The following MGAT4C variants were observed in gnomAD, a reference collection of about 807,000 sequenced individuals.
MGAT4C encodes MGAT4 family member C.
MGAT4C carries 19 observed loss-of-function variants against 40.1 expected under a neutral mutation model. The ratio of observed to expected loss-of-function variants is 0.47; its 90% CI spans 0.33 to 0.70. MGAT4C has a LOEUF of 0.70. MGAT4C is among the 30% of genes least tolerant of loss of function. The pLI, the probability that MGAT4C is intolerant of heterozygous loss-of-function variation, is 0.02. For synonymous variants in MGAT4C, 181 were observed against 187.1 expected (o/e 0.97, Z 0.27); for missense variants, 491 against 563.2 (o/e 0.87, Z 1.30).
intron 3 of MGAT4C, among the ~76,000 whole-genome samples, chr12:86,392,529 A>G (rs1047937754): frequency 6.6e-6 from 1 of 152,194 alleles, no homozygotes; most frequent in South Asian, 2.1e-4. Flanking sequence ...GTCAATGAGT[A>G]ATAAGTGCTC....
At chr12:86,062,179 A>G (rs1168586371) in intron 1 of MGAT4C, among the ~76,000 whole-genome samples, 1 of 152,188 alleles carries the variant, frequency 6.6e-6, no homozygotes, top group Non-Finnish European at 1.5e-5. Context: ...AGAGAAAGTA[A>G]CAGGCAGCAA....
rs1486898968 is a variant in MGAT4C, at chr12:86,611,348, G to T, written c.-229+115861C>A. ...GACACACACACACACACGTATGATA[G>T]ATAGACAGGCAGACAGACAAACAGA... is the stretch of plus-strand genomic sequence containing the variant. On this transcript the variant is annotated intron_variant, in intron 2 of 7. Coordinates refer to the MGAT4C transcript ENST00000548651. 3.3e-5 allele frequency among the ~76,000 whole-genome samples: 5 copies of T among 152,064 alleles called. No individual in the cohort carries two copies. In the East Asian group the frequency reaches 9.7e-4, roughly 29 times the overall value.
intron 4 of MGAT4C, among the ~76,000 whole-genome samples, chr12:86,298,246 CAT>C (rs1227720862): frequency 2.6e-5 from 4 of 151,898 alleles, no homozygotes; most frequent in Admixed American, 6.6e-5. Flanking sequence ...GGTTAATAAA[CAT>C]AAAATATTTA....
chr12:86,500,669 A>G (rs1298298951), intron 2 of MGAT4C, among the ~76,000 whole-genome samples: 3 of 151,970 alleles, frequency 2.0e-5, no homozygotes, highest in Non-Finnish European at 4.4e-5. Flanking sequence ...CAATCCACCA[A>G]TTTATGCAAA....
chr12:86,288,374 G>C (rs1953410616), intron 4 of MGAT4C, among the ~76,000 whole-genome samples: 1 of 152,058 alleles, frequency 6.6e-6, no homozygotes, highest in East Asian at 1.9e-4. Context: ...GTCAATTTTG[G>C]CTTTTGTTGC....
At chr12:86,799,279 T>G (rs1305696408) in intron 1 of MGAT4C, among the ~76,000 whole-genome samples, 3 of 151,794 alleles carry the variant, frequency 2.0e-5, no homozygotes, top group African/African-American at 7.2e-5. Flanking sequence ...TCAAAATATT[T>G]CTTAATTAGT....
chr12:86,465,937 G>C (rs911645173), intron 2 of MGAT4C, among the ~76,000 whole-genome samples: 1 of 152,064 alleles, frequency 6.6e-6, no homozygotes, highest in Admixed American at 6.6e-5. Flanking sequence ...GGCCGGGAGT[G>C]GTGGCTCATG....
chr12:86,298,366 A>G (rs1191497475), intron 4 of MGAT4C, among the ~76,000 whole-genome samples: 2 of 152,142 alleles, frequency 1.3e-5, no homozygotes, highest in African/African-American at 4.8e-5. Flanking sequence ...GTTTGTCATG[A>G]GATGGCAACT....
At chr12:86,552,925 AT>A (rs1187934319) in intron 2 of MGAT4C, among the ~76,000 whole-genome samples, 1 of 152,056 alleles carries the variant, frequency 6.6e-6, no homozygotes, top group Non-Finnish European at 1.5e-5. Flanking sequence ...ATTACTTGTA[AT>A]GGCAAAACCA....
chr12:86,099,613 G>A lies in MGAT4C; in HGVS notation c.-56-49890C>T, dbSNP rs576818458. Among the ~76,000 whole-genome samples the A allele has an allele frequency of 3.9e-3, 586 of 151,444 alleles. 5 individuals carry two copies. Among genetic ancestry groups the A allele is most frequent in the African/African-American group, 0.014 (562 of 41,476 alleles). On this transcript the variant is annotated intron_variant, in intron 1 of 4. Transcript: ENST00000611864. Reference sequence around the variant, plus strand: ...AGACATATGGTTATTAATTTCTAAAGAAGCTATTGTCTTGACTTTTTTCTT... The same window carrying A: ...AGACATATGGTTATTAATTTCTAAAAAAGCTATTGTCTTGACTTTTTTCTT...
At chr12:86,207,105 T>C (rs897124105) in intron 1 of MGAT4C, among the ~76,000 whole-genome samples, 3 of 60,478 alleles carry the variant, frequency 5.0e-5, no homozygotes, top group African/African-American at 1.3e-4. Context: ...TTGGACCCTT[T>C]TTTTTCTTTT....
At chr12:86,768,710 G>A (rs1307810751) in intron 1 of MGAT4C, among the ~76,000 whole-genome samples, 2 of 151,976 alleles carry the variant, frequency 1.3e-5, no homozygotes, top group Non-Finnish European at 2.9e-5. Flanking sequence ...CAGAAATAAC[G>A]CCGCATATCT....
chr12:86,519,310 G>A (rs1958750706), intron 2 of MGAT4C, among the ~76,000 whole-genome samples: 1 of 152,154 alleles, frequency 6.6e-6, no homozygotes, highest in Non-Finnish European at 1.5e-5. Context: ...ATACATTGAT[G>A]AGAACTTTGG....
At chr12:86,290,663 C>G (rs1429862255) in intron 4 of MGAT4C, among the ~76,000 whole-genome samples, 3 of 151,428 alleles carry the variant, frequency 2.0e-5, no homozygotes, top group Admixed American at 2.0e-4. Flanking sequence ...TGCAATTTAC[C>G]CATGTAACAA....
At chr12:86,478,799 G>A (rs1312554158) in intron 2 of MGAT4C, among the ~76,000 whole-genome samples, 1 of 152,006 alleles carries the variant, frequency 6.6e-6, no homozygotes. Flanking sequence ...TAAAGAAACT[G>A]AGGAAGGGAT....
At chr12:86,751,264 CA>C (rs1951227726) in intron 1 of MGAT4C, among the ~76,000 whole-genome samples, 1 of 151,844 alleles carries the variant, frequency 6.6e-6, no homozygotes, top group African/African-American at 2.4e-5. Flanking sequence ...CACACTAAAG[CA>C]ATCCAAAAAA....
At chr12:86,110,300 C>CTATA (rs1212728296) in intron 1 of MGAT4C, among the ~76,000 whole-genome samples, 3 of 12,214 alleles carry the variant, frequency 2.5e-4, no homozygotes, top group East Asian at 2.2e-3. Flanking sequence ...TATAGTCTCT[C>CTATA]TATATATATA....
At chr12:86,639,893 A>G (rs1461913048) in intron 2 of MGAT4C, among the ~76,000 whole-genome samples, 3 of 151,728 alleles carry the variant, frequency 2.0e-5, no homozygotes, top group Non-Finnish European at 4.4e-5. Flanking sequence ...TCCTCCTCTG[A>G]TTGGCTTCCT....
intron 4 of MGAT4C, among the ~76,000 whole-genome samples, chr12:86,280,842 T>C (rs1418257822): frequency 6.6e-6 from 1 of 152,092 alleles, no homozygotes; most frequent in Non-Finnish European, 1.5e-5. Context: ...ACAAAGTACA[T>C]ATTTTATCTT....
Sources: allele counts gnomAD v4.1 joint callset (sites outside exome capture counted in the v4.1 genomes callset), GRCh38; gene constraint gnomAD v4.1.1; transcripts MANE v1.5; gene names NCBI Gene and HGNC (gene_info 2026-07-23, HGNC 2026-07-21).